The following PGK1 variants were observed in gnomAD, a reference collection of about 807,000 sequenced individuals.
PGK1 encodes the protein phosphoglycerate kinase 1.
A neutral mutation model predicts 26.9 loss-of-function variants in PGK1; 3 were observed. That is an observed-to-expected ratio of 0.11 (90% CI 0.05 to 0.29). The LOEUF is 0.29. Ranked by LOEUF, PGK1 falls within the 10% of genes least tolerant of loss-of-function variation. The pLI is 1.00. For synonymous variants in PGK1, 125 were observed against 115.3 expected, an observed-to-expected ratio of 1.08 and a Z score of -0.54; for missense variants, 270 against 314.7, an observed-to-expected ratio of 0.86 and a Z score of 1.07.
chrX:78,118,536 G>A (rs1344541167), intron 6 of PGK1, among the ~76,000 whole-genome samples: 1 of 110,720 alleles, frequency 9.0e-6, no homozygotes, highest in African/African-American at 3.3e-5. Flanking sequence ...CTGTGATCAC[G>A]CCACTGCACT....
intron 1 of PGK1, among the ~76,000 whole-genome samples, chrX:78,106,898 CAACTTGT>C (rs200084484): frequency 0.017 from 1,896 of 110,342 alleles, 42 homozygotes; most frequent in African/African-American, 0.058. Flanking sequence ...TGGTTTTCTC[CAACTTGT>C]AACTTGTAAA....
At chrX:78,119,373 T>A (rs920962536) in intron 6 of PGK1, among the ~76,000 whole-genome samples, 1 of 111,856 alleles carries the variant, frequency 8.9e-6, no homozygotes, top group Non-Finnish European at 1.9e-5. Context: ...GTGAGAGAGC[T>A]AGCACTGCTT....
In PGK1 at chrX:78,121,722, G is replaced by A. The variant is rs782241891; in HGVS notation, c.642-1113G>A. Among the ~76,000 whole-genome samples, 89 of 112,349 alleles carry A rather than the reference G, an allele frequency of 7.9e-4. 1 individual carries two copies. The highest frequency in any genetic ancestry group is 2.9e-3 in the African/African-American group (89 of 30,915). On this transcript the variant is annotated intron_variant, in intron 6 of 10. Transcript: ENST00000373316. ...TTGGATCTTTTTTGTCTCATAGGGA[G>A]ATGCAAGATACATGTGTATTTATCT...
chrX:78,112,880 T>C (rs1557246999), intron 2 of PGK1, among the ~76,000 whole-genome samples: 1 of 112,401 alleles, frequency 8.9e-6, no homozygotes, highest in African/African-American at 3.2e-5. Context: ...TTTCCTTTCT[T>C]CAGCAGTGAA....
intron 1 of PGK1, chrX:78,106,360 G>T: frequency 1.4e-6 from 1 of 726,886 alleles, no homozygotes; most frequent in Non-Finnish European, 1.6e-6. Context: ...ACTTTCTCCC[G>T]TAACCTGGAT....
Position 78,129,250 on chromosome X carries a change from T to TATCTATCTA in PGK1, c.*3421_*3429dup, listed in dbSNP as rs1176390253. On this transcript the variant is annotated 3_prime_UTR_variant, in exon 11 of 11. Transcript: ENST00000373316. ...CTATCTATCTATCTATCTATCTATC[T>TATCTATCTA]ATCTATCTATCTGTATATAGATATA... 1.4e-4 allele frequency: 16 copies of TATCTATCTA among 110,938 alleles called. No individual in the cohort carries two copies. The highest frequency in any genetic ancestry group is 4.6e-4 in the African/African-American group (14 of 30,459). 9.1% of individuals were successfully genotyped at this position (110,938 alleles called of 1,213,427 possible). A position where few individuals can be genotyped will look rare whatever the true frequency, so the allele number is the denominator to read the frequency against.
intron 1 of PGK1, among the ~76,000 whole-genome samples, chrX:78,109,476 G>A (rs1243452929): frequency 9.0e-6 from 1 of 110,657 alleles, no homozygotes; most frequent in Admixed American, 9.6e-5. Context: ...CTTTTTAGGT[G>A]GAACTAGCTT....
intron 1 of PGK1, chrX:78,106,714 G>A (rs943221342): frequency 3.2e-6 from 2 of 627,569 alleles, no homozygotes; most frequent in African/African-American, 4.9e-5. Context: ...TTAATTACCA[G>A]GTTCCATCTT....
chrX:78,107,491 A>C (rs1860795247), intron 1 of PGK1, among the ~76,000 whole-genome samples: 1 of 112,305 alleles, frequency 8.9e-6, no homozygotes, highest in Non-Finnish European at 1.9e-5. Context: ...ATCACATGGT[A>C]TATAACCTTT....
In PGK1 at chrX:78,125,592, C is replaced by T. The variant is rs150219676; in HGVS notation, c.1213+167C>T. 0.012 allele frequency among the ~76,000 whole-genome samples: 1,300 copies of T among 111,045 alleles called. 18 individuals carry two copies. Among genetic ancestry groups the T allele is most frequent in the African/African-American group, 0.041 (1,239 of 30,517 alleles). On this transcript the variant is annotated intron_variant, in intron 10 of 10. Transcript: ENST00000373316. ...ATAAAGCTCCTGGCATCCACTGAGGCGGGGAGGGACAGATAGAAACTTGGT... is the reference window on the plus strand; with the variant it reads ...ATAAAGCTCCTGGCATCCACTGAGGTGGGGAGGGACAGATAGAAACTTGGT...
intron 6 of PGK1, among the ~76,000 whole-genome samples, chrX:78,119,699 C>T (rs868951681): frequency 1.8e-5 from 2 of 111,780 alleles, no homozygotes; most frequent in African/African-American, 6.5e-5. Context: ...GTTCCACCCT[C>T]GCTCGCCTCT....
chrX:78,111,798 A>G (rs1337146551), intron 2 of PGK1, among the ~76,000 whole-genome samples: 1 of 112,073 alleles, frequency 8.9e-6, no homozygotes, highest in African/African-American at 3.2e-5. Context: ...AAATATGCCT[A>G]TCAAGTTATT....
intron 2 of PGK1, 135 bp downstream of exon 2, chrX:78,110,052 T>A: frequency 2.0e-6 from 1 of 508,751 alleles, no homozygotes; most frequent in Non-Finnish European, 3.6e-6. Flanking sequence ...ATCAACCCAC[T>A]CTCTGATCTG....
In PGK1 at chrX:78,105,367, C is replaced by A. The variant is rs782433434; in HGVS notation, c.65+962C>A. On this transcript the variant is annotated intron_variant, in intron 1 of 10. Coordinates refer to ENST00000373316, the MANE Select transcript of PGK1 (RefSeq NM_000291.4). ...TATGTAACTGATGGACTTGACTGTT[C>A]ATATACCTTAACAGGATCCAAGAGT... 2.7e-5 allele frequency among the ~76,000 whole-genome samples: 3 copies of A among 111,969 alleles called. No individual in the cohort carries two copies. The South Asian group carries it at 1.1e-3, about 41-fold the overall frequency.
At chrX:78,107,864 T>C (rs2078279195) in intron 1 of PGK1, among the ~76,000 whole-genome samples, 2 of 111,346 alleles carry the variant, frequency 1.8e-5, no homozygotes, top group Admixed American at 1.9e-4. Flanking sequence ...GTTTCTCTGC[T>C]TCATTACCAG....
At chrX:78,121,865 A>T (rs377074866) in intron 6 of PGK1, among the ~76,000 whole-genome samples, 1 of 111,743 alleles carries the variant, frequency 8.9e-6, no homozygotes, top group African/African-American at 3.3e-5. Flanking sequence ...TGCCCAGTAA[A>T]TGTGTTGAAT....
In PGK1 at chrX:78,126,100, TAAAA is replaced by T. The variant is rs2078382110; in HGVS notation, c.*272_*275del. On this transcript the variant is annotated 3_prime_UTR_variant, in exon 11 of 11. Coordinates refer to ENST00000373316, the MANE Select transcript of PGK1 (RefSeq NM_000291.4). ...GTGCATATATTTATATTTTGCCTGT[TAAAA>T]AGAAAGTGAGCAGTGTTAGCTTAGT... 14 of 383,837 alleles carry T rather than the reference TAAAA, an allele frequency of 3.6e-5. No homozygotes were observed. The South Asian group carries it at 5.8e-4, about 16-fold the overall frequency. 31.6% of individuals were successfully genotyped at this position (383,837 alleles called of 1,213,427 possible). A position where few individuals can be genotyped will look rare whatever the true frequency, so the allele number is the denominator to read the frequency against.
intron 6 of PGK1, among the ~76,000 whole-genome samples, chrX:78,119,931 G>A (rs1557247830): frequency 1.8e-5 from 2 of 111,945 alleles, no homozygotes; most frequent in Non-Finnish European, 3.8e-5. Context: ...AATAACTCAG[G>A]TAGATACAGG....
rs976356302 is a variant in PGK1, at chrX:78,128,748, T to A, written c.*2918T>A. On this transcript the variant is annotated 3_prime_UTR_variant, in exon 11 of 11. Transcript: ENST00000373316. Reference sequence around the variant, plus strand: ...GTTCTTTAGCTCAGTGTTTTCCTGTTTTCTTCATTTCCAAAATTTCCCTCT... The same window carrying A: ...GTTCTTTAGCTCAGTGTTTTCCTGTATTCTTCATTTCCAAAATTTCCCTCT... The A allele has an allele frequency of 9.0e-6, 1 of 111,434 alleles. No homozygotes were observed. 9.2% of individuals were successfully genotyped at this position (111,434 alleles called of 1,213,427 possible). A position where few individuals can be genotyped will look rare whatever the true frequency, so the allele number is the denominator to read the frequency against.
Sources: allele counts gnomAD v4.1 joint callset (sites outside exome capture counted in the v4.1 genomes callset), GRCh38; gene constraint gnomAD v4.1.1; transcripts MANE v1.5; gene names NCBI Gene and HGNC (gene_info 2026-07-23, HGNC 2026-07-21).